GFRA1: variants seen among roughly 807,000 people sequenced by gnomAD.
The protein encoded by GFRA1 is GDNF family receptor alpha-1.
GFRA1 carries 16 observed loss-of-function variants against 51.6 expected under a neutral mutation model. The ratio of observed to expected loss-of-function variants is 0.31; its 90% CI spans 0.21 to 0.47. The LOEUF is 0.47. GFRA1 is among the 20% of genes least tolerant of loss of function. The probability of loss-of-function intolerance (pLI) is 1.00; values close to 1 mark genes in which losing one functional copy is unlikely to be tolerated. For missense variants in GFRA1, 530 were observed against 594.3 expected (o/e 0.89, Z 1.13); for synonymous variants, 270 against 241.3 (o/e 1.12, Z -1.10).
chr10:116,232,764 C>T (rs978751125), intron 4 of GFRA1, among the ~76,000 whole-genome samples: 6 of 152,176 alleles, frequency 3.9e-5, no homozygotes, highest in Non-Finnish European at 7.3e-5. Context: ...AATTCCAGGG[C>T]TCCAAAACCT....
intron 9 of GFRA1, among the ~76,000 whole-genome samples, chr10:116,078,195 G>A (rs1181148327): frequency 6.6e-6 from 1 of 152,222 alleles, no homozygotes; most frequent in Admixed American, 6.5e-5. Context: ...ATGCTGGCTT[G>A]TATGGCAGCC....
At chr10:116,105,197 CA>C (rs1225940764) in intron 6 of GFRA1, among the ~76,000 whole-genome samples, 2 of 152,230 alleles carry the variant, frequency 1.3e-5, no homozygotes, top group Admixed American at 1.3e-4. Context: ...GGGATAACTG[CA>C]GGTGACAAAT....
intron 4 of GFRA1, among the ~76,000 whole-genome samples, chr10:116,214,712 C>T (rs769604716): frequency 7.1e-4 from 108 of 152,340 alleles, no homozygotes; most frequent in Non-Finnish European, 1.3e-3. Flanking sequence ...GATTCAGTCT[C>T]GACATCCGTC....
chr10:116,223,680 G>A (rs769524195), intron 4 of GFRA1, among the ~76,000 whole-genome samples: 1 of 152,192 alleles, frequency 6.6e-6, no homozygotes, highest in Non-Finnish European at 1.5e-5. Flanking sequence ...CCCTCCTTGT[G>A]AAGAACAGTC....
chr10:116,196,620 A>C (rs185984357), intron 5 of GFRA1, among the ~76,000 whole-genome samples: 13,608 of 47,122 alleles, frequency 0.29, 2,688 homozygotes, highest in East Asian at 0.47. Flanking sequence ...ACTATATATA[A>C]TATATATAAT....
intron 9 of GFRA1, among the ~76,000 whole-genome samples, chr10:116,083,300 CCT>C (rs764672944): frequency 6.6e-5 from 10 of 152,178 alleles, no homozygotes; most frequent in Admixed American, 6.5e-5. Context: ...GAAATAAGCA[CCT>C]CTCTTTCCTC....
intron 9 of GFRA1, among the ~76,000 whole-genome samples, chr10:116,077,803 G>T (rs188064074): frequency 2.0e-5 from 3 of 152,140 alleles, no homozygotes; most frequent in Non-Finnish European, 1.5e-5. Flanking sequence ...CGGCAGGCTG[G>T]GGGGGACAGC....
At chr10:116,162,544 C>T (rs377052832) in intron 5 of GFRA1, among the ~76,000 whole-genome samples, 12 of 152,292 alleles carry the variant, frequency 7.9e-5, no homozygotes, top group East Asian at 3.9e-4. Context: ...GGTTGGTCTG[C>T]GGAGGCTCTG....
chr10:116,184,861 C>T (rs1166256143), intron 5 of GFRA1, among the ~76,000 whole-genome samples: 1 of 152,162 alleles, frequency 6.6e-6, no homozygotes, highest in Non-Finnish European at 1.5e-5. Flanking sequence ...CAAGGGCCCA[C>T]ATGTCCCCAA....
rs555010777 is a variant in GFRA1 at position 116,061,930 on chromosome 10, A to C, written c.*2468T>G. ...GAATCTCTCTAACGTGTTGTCCCTG[A>C]ACAAGATGCTTCCCCCTATTTATTT... On this transcript the variant is annotated 3_prime_UTR_variant, in exon 11 of 11. Transcript: ENST00000355422. The C allele has an allele frequency of 3.9e-4, 154 of 398,550 alleles. No individual in the cohort carries two copies. Among genetic ancestry groups the C allele is most frequent in the African/African-American group, 2.8e-3 (138 of 48,764 alleles). The allele number at this position is 398,550 out of a possible 1,614,324, so 24.7% of individuals were successfully genotyped here.
At chr10:116,161,514 C>A (rs947448049) in intron 5 of GFRA1, among the ~76,000 whole-genome samples, 1 of 152,136 alleles carries the variant, frequency 6.6e-6, no homozygotes, top group Non-Finnish European at 1.5e-5. Context: ...TTGTCTGTGT[C>A]CCCACCCAAA....
chr10:116,186,228 G>A (rs974455170), intron 5 of GFRA1, among the ~76,000 whole-genome samples: 1 of 152,150 alleles, frequency 6.6e-6, no homozygotes, highest in Non-Finnish European at 1.5e-5. Context: ...AAGGAGAGGT[G>A]CTTCTGAGGG....
At chr10:116,124,758 C>T (rs945157464) in intron 6 of GFRA1, among the ~76,000 whole-genome samples, 1 of 152,134 alleles carries the variant, frequency 6.6e-6, no homozygotes, top group South Asian at 2.1e-4. Context: ...CAAAGTTCTC[C>T]CCAAGGCTGG....
chr10:116,241,017 G>A (rs906355470), intron 4 of GFRA1, among the ~76,000 whole-genome samples: 62 of 152,070 alleles, frequency 4.1e-4, no homozygotes, highest in Non-Finnish European at 1.3e-4. Context: ...CAGACCTTAA[G>A]CTCTCAACCA....
intron 5 of GFRA1, among the ~76,000 whole-genome samples, chr10:116,142,748 T>C (rs10885863): frequency 0.043 from 6,481 of 152,300 alleles, 245 homozygotes; most frequent in East Asian, 0.14. Flanking sequence ...AACCACTTTG[T>C]GTGGATCAAG....
chr10:116,090,453 AACT>A (rs1358356600), intron 8 of GFRA1, among the ~76,000 whole-genome samples: 1 of 151,016 alleles, frequency 6.6e-6, no homozygotes, highest in Non-Finnish European at 1.5e-5. Context: ...AAAAAAAAAA[AACT>A]ACCCCAAATC....
intron 5 of GFRA1, among the ~76,000 whole-genome samples, chr10:116,129,518 C>T (rs1958016934): frequency 6.6e-6 from 1 of 152,078 alleles, no homozygotes; most frequent in South Asian, 2.1e-4. Context: ...AGAAAAGAAT[C>T]TCCTCAATCT....
intron 10 of GFRA1, 145 bp downstream of exon 10, chr10:116,065,428 G>A: frequency 1.4e-6 from 1 of 700,644 alleles, no homozygotes. Context: ...TTGCTCAAAG[G>A]GCAGACGGTC....
intron 5 of GFRA1, among the ~76,000 whole-genome samples, chr10:116,205,926 TCACACACACACACA>T (rs55780139): frequency 4.2e-4 from 60 of 142,584 alleles, no homozygotes; most frequent in South Asian, 1.2e-3. Context: ...TTTCCTCATA[TCACACACACACACA>T]CACACACACA....
Sources: gnomAD v4.1 joint callset for allele counts (sites outside exome capture counted in the v4.1 genomes callset) on GRCh38, gnomAD v4.1.1 for gene constraint, MANE v1.5 for transcripts, NCBI Gene and HGNC (gene_info 2026-07-23, HGNC 2026-07-21) for gene names.